Variants in EDA observed in about 807,000 individuals in gnomAD.
EDA encodes the protein ectodysplasin A.
A neutral mutation model predicts 23.6 loss-of-function variants in EDA; 2 were observed. That is an observed-to-expected ratio of 0.08 (90% CI 0.03 to 0.27). EDA has a LOEUF of 0.27. EDA is among the 10% of genes least tolerant of loss of function. EDA has a pLI of 1.00. For synonymous variants in EDA, 131 were observed against 132.0 expected, an observed-to-expected ratio of 0.99 and a Z score of 0.05; for missense variants, 229 against 324.2, an observed-to-expected ratio of 0.71 and a Z score of 2.26.
At position 69,829,568 on chromosome X, in the gene EDA, T is replaced by C. The variant is rs773285569; in HGVS notation, c.397-127459T>C. ...CATCACAGATGGTTGTTTGCAAAGA[T>C]GTATGTGAGTGCTTGGTTACATGGG... On this transcript the variant is annotated intron_variant, in intron 1 of 7. Transcript: ENST00000374552. Among the ~76,000 whole-genome samples, 39 of 112,250 alleles carry C rather than the reference T, an allele frequency of 3.5e-4. 1 individual carries two copies. In the South Asian group the frequency reaches 7.8e-3, roughly 22 times the overall value.
intron 2 of EDA, among the ~76,000 whole-genome samples, chrX:69,993,480 T>C (rs1278995678): frequency 1.8e-5 from 2 of 112,118 alleles, no homozygotes; most frequent in Admixed American, 1.9e-4. Flanking sequence ...AAAGAAATTA[T>C]GTTATTACCA....
chrX:70,002,154 C>T (rs771029712), intron 2 of EDA, among the ~76,000 whole-genome samples: 1 of 111,654 alleles, frequency 9.0e-6, no homozygotes, highest in Admixed American at 9.5e-5. Flanking sequence ...ATTAGAGACA[C>T]GGGCTGTATC....
intron 1 of EDA, among the ~76,000 whole-genome samples, chrX:69,627,984 G>A (rs1932448694): frequency 9.0e-6 from 1 of 111,720 alleles, no homozygotes; most frequent in African/African-American, 3.3e-5. Flanking sequence ...AGGCTGTTGA[G>A]TAATTTTCTC....
intron 1 of EDA, among the ~76,000 whole-genome samples, chrX:69,788,292 C>T (rs758937530): frequency 8.9e-6 from 1 of 112,749 alleles, no homozygotes; most frequent in Non-Finnish European, 1.9e-5. Context: ...TCTCTCAGCT[C>T]GTCAAAGTCC....
chrX:69,654,243 T>G (rs890762405), intron 1 of EDA, among the ~76,000 whole-genome samples: 35 of 111,554 alleles, frequency 3.1e-4, no homozygotes, highest in African/African-American at 1.0e-3. Context: ...AAAACCACCA[T>G]GAGATACCAT....
chrX:69,995,770 TTTG>T (rs1257443518), intron 2 of EDA, among the ~76,000 whole-genome samples: 2 of 112,539 alleles, frequency 1.8e-5, no homozygotes, highest in African/African-American at 3.2e-5. Context: ...GTTGCTGTTT[TTTG>T]TTGTTGTTGT....
At chrX:69,784,775 G>A (rs1354412381) in intron 1 of EDA, among the ~76,000 whole-genome samples, 7 of 105,773 alleles carry the variant, frequency 6.6e-5, no homozygotes, top group African/African-American at 2.4e-4. Flanking sequence ...GGCAATGCGG[G>A]CTCTTTTTTG....
chrX:69,964,244 C>T (rs747629989), intron 2 of EDA, among the ~76,000 whole-genome samples: 3 of 111,519 alleles, frequency 2.7e-5, no homozygotes, highest in East Asian at 5.7e-4. Context: ...AAGGGTTAAA[C>T]TAGAATCAGT....
intron 1 of EDA, among the ~76,000 whole-genome samples, chrX:69,782,707 T>G (rs775450992): frequency 1.8e-5 from 2 of 112,000 alleles, no homozygotes; most frequent in East Asian, 5.6e-4. Flanking sequence ...GTCTGGTACC[T>G]GGCTTCTCTG....
intron 1 of EDA, among the ~76,000 whole-genome samples, chrX:69,827,495 C>G (rs1280182843): frequency 8.9e-6 from 1 of 112,216 alleles, no homozygotes; most frequent in Non-Finnish European, 1.9e-5. Flanking sequence ...ATCACATCAG[C>G]TCCTGAGGCT....
chrX:69,858,982 T>C lies in EDA; in HGVS notation c.397-98045T>C, dbSNP rs750581035. On this transcript the variant is annotated intron_variant, in intron 1 of 7. Coordinates refer to ENST00000374552, the MANE Select transcript of EDA (RefSeq NM_001399.5). ...TGGGAAGGTATGTGTGTCCAAGAAT[T>C]TAACCATTTCTTCTAGATTTTCTAG... 2.7e-5 allele frequency among the ~76,000 whole-genome samples: 3 copies of C among 111,860 alleles called. No homozygotes were observed. In the East Asian group the frequency reaches 8.5e-4, roughly 32 times the overall value.
intron 1 of EDA, among the ~76,000 whole-genome samples, chrX:69,635,725 T>A (rs1337635433): frequency 9.2e-6 from 1 of 108,961 alleles, no homozygotes; most frequent in Non-Finnish European, 1.9e-5. Flanking sequence ...CCCGCCACCA[T>A]GCCCAGCTAA....
chrX:69,807,321 G>A lies in EDA; in HGVS notation c.397-149706G>A, dbSNP rs772630508. Among the ~76,000 whole-genome samples, 101 of 105,014 alleles carry A rather than the reference G, an allele frequency of 9.6e-4. 1 individual carries two copies. Among genetic ancestry groups the A allele is most frequent in the Non-Finnish European group, 9.9e-4 (51 of 51,297 alleles). The allele number at this position is 105,014 out of a possible 115,157, so 91.2% of individuals were successfully genotyped here. A position where few individuals can be genotyped will look rare whatever the true frequency, so the allele number is the denominator to read the frequency against. ...GAAAAATAATGCCATATCTGGGTAA[G>A]AGCTATTGCTGGTAAAAGTGAGAGA... On this transcript the variant is annotated intron_variant, in intron 1 of 7. Coordinates refer to ENST00000374552, the MANE Select transcript of EDA (RefSeq NM_001399.5).
At chrX:69,646,563 C>G (rs1054690040) in intron 1 of EDA, among the ~76,000 whole-genome samples, 1 of 111,896 alleles carries the variant, frequency 8.9e-6, no homozygotes, top group African/African-American at 3.2e-5. Flanking sequence ...TATTTTGAGC[C>G]TATGTGTGTC....
chrX:69,960,066 G>T (rs745922153), intron 2 of EDA, among the ~76,000 whole-genome samples: 2 of 111,642 alleles, frequency 1.8e-5, no homozygotes, highest in East Asian at 5.7e-4. Context: ...ACCACTGGAG[G>T]ATTTTGAGCA....
intron 1 of EDA, among the ~76,000 whole-genome samples, chrX:69,721,519 G>T (rs1025291597): frequency 9.0e-6 from 1 of 111,454 alleles, no homozygotes; most frequent in African/African-American, 3.3e-5. Context: ...CTCAGGCCTG[G>T]TGGGGAAAGA....
At chrX:69,989,869 A>G (rs2019558411) in intron 2 of EDA, among the ~76,000 whole-genome samples, 1 of 108,891 alleles carries the variant, frequency 9.2e-6, no homozygotes, top group Non-Finnish European at 1.9e-5. Flanking sequence ...GTGGGACAAT[A>G]ACAAAAGATC....
At chrX:70,010,381 C>A (rs774719652) in intron 2 of EDA, among the ~76,000 whole-genome samples, 2 of 112,272 alleles carry the variant, frequency 1.8e-5, no homozygotes, top group Admixed American at 9.4e-5. Flanking sequence ...TAATCATTTT[C>A]CTTGCTCTGA....
At position 69,725,601 on chromosome X, in the gene EDA, G is replaced by T. The variant is rs141626281; in HGVS notation, c.396+108897G>T. Among the ~76,000 whole-genome samples the T allele has an allele frequency of 8.3e-3, 933 of 112,134 alleles. 11 individuals carry two copies. The highest frequency in any genetic ancestry group is 0.029 in the African/African-American group (893 of 30,899). On this transcript the variant is annotated intron_variant, in intron 1 of 7. Transcript: ENST00000374552. ...TCCATTTCACTGTAAGTTTCTTAAA[G>T]ACAAGAACTGTTTGTTTTCCCAAAG...
Sources: allele counts gnomAD v4.1 joint callset (sites outside exome capture counted in the v4.1 genomes callset), GRCh38; gene constraint gnomAD v4.1.1; transcripts MANE v1.5; gene names NCBI Gene and HGNC (gene_info 2026-07-23, HGNC 2026-07-21).